CPLX1: variants seen among roughly 807,000 people sequenced by gnomAD.
CPLX1 encodes the protein complexin 1, also known as complexin-1.
In CPLX1, 6 loss-of-function variants were observed where a neutral mutation model predicts 15.6. That is an observed-to-expected ratio of 0.39 (90% CI 0.21 to 0.76). The LOEUF is 0.76. Ranked by LOEUF, CPLX1 falls within the 30% of genes least tolerant of loss-of-function variation. CPLX1 has a pLI of 0.43. For missense variants in CPLX1, 242 were observed against 188.6 expected (o/e 1.28, Z -1.66); for synonymous variants, 91 against 75.2 (o/e 1.21, Z -1.08).
At chr4:807,429 A>T (rs1350830052) in intron 2 of CPLX1, among the ~76,000 whole-genome samples, 1 of 152,044 alleles carries the variant, frequency 6.6e-6, no homozygotes, top group Non-Finnish European at 1.5e-5. Context: ...CACGTTTACT[A>T]CCTATGTAAC....
At chr4:810,688 T>TTTTTTC (rs960920662) in intron 2 of CPLX1, among the ~76,000 whole-genome samples, 1 of 152,074 alleles carries the variant, frequency 6.6e-6, no homozygotes, top group Non-Finnish European at 1.5e-5. Context: ...GCACATTTTC[T>TTTTTTC]TTTTTCTTTT....
intron 2 of CPLX1, among the ~76,000 whole-genome samples, chr4:793,803 CCTCTGGG>C (rs1012933956): frequency 1.3e-5 from 2 of 152,224 alleles, no homozygotes; most frequent in African/African-American, 4.8e-5. Context: ...GAAGGTCTTG[CCTCTGGG>C]CTCTGCCCCC....
chr4:822,603 G>A (rs983672521), intron 2 of CPLX1, among the ~76,000 whole-genome samples: 1 of 152,030 alleles, frequency 6.6e-6, no homozygotes, highest in Non-Finnish European at 1.5e-5. Context: ...CTTCCTGGGT[G>A]CCTCCTGCTC....
chr4:788,666 A>G, intron 3 of CPLX1: 2 of 865,770 alleles, frequency 2.3e-6, no homozygotes, highest in Non-Finnish European at 2.8e-6. Flanking sequence ...CAGCAGCTCC[A>G]GGCACGGAAG....
At chr4:807,970 G>A (rs574600723) in intron 2 of CPLX1, among the ~76,000 whole-genome samples, 45 of 152,270 alleles carry the variant, frequency 3.0e-4, no homozygotes, top group African/African-American at 1.0e-3. Context: ...AGCACAACCA[G>A]GAATAAAAAA....
At chr4:817,841 G>T (rs1309452812) in intron 2 of CPLX1, among the ~76,000 whole-genome samples, 1 of 152,092 alleles carries the variant, frequency 6.6e-6, no homozygotes, top group Non-Finnish European at 1.5e-5. Flanking sequence ...AGGGTGCATT[G>T]TTCCCACCAG....
At chr4:808,199 G>A (rs1746593172) in intron 2 of CPLX1, among the ~76,000 whole-genome samples, 1 of 152,146 alleles carries the variant, frequency 6.6e-6, no homozygotes, top group African/African-American at 2.4e-5. Flanking sequence ...AGTCTGGGAG[G>A]TGGAGGTTGC....
intron 2 of CPLX1, among the ~76,000 whole-genome samples, chr4:812,749 C>T (rs907798087): frequency 3.3e-5 from 5 of 151,918 alleles, no homozygotes; most frequent in Admixed American, 6.6e-5. Flanking sequence ...CCTAACGCTG[C>T]GTGTCCTAAC....
chr4:789,332 G>A (rs1217637957), intron 3 of CPLX1, among the ~76,000 whole-genome samples: 5 of 152,182 alleles, frequency 3.3e-5, no homozygotes, highest in South Asian at 2.1e-4. Flanking sequence ...TGCTGGGGGC[G>A]CCCAGGAGGC....
At chr4:794,695 C>T (rs1746281842) in intron 2 of CPLX1, among the ~76,000 whole-genome samples, 1 of 152,218 alleles carries the variant, frequency 6.6e-6, no homozygotes, top group Admixed American at 6.5e-5. Flanking sequence ...AAGTGAGTGA[C>T]CCGTGGCTCT....
At chr4:808,782 T>A (rs1746603886) in intron 2 of CPLX1, among the ~76,000 whole-genome samples, 1 of 152,210 alleles carries the variant, frequency 6.6e-6, no homozygotes. Context: ...AAAACTTGAA[T>A]GAAATGGATT....
chr4:822,282 CCTTT>C lies in CPLX1; in HGVS notation c.31+2206_31+2209del, dbSNP rs1028625105. 3.7e-4 allele frequency among the ~76,000 whole-genome samples: 48 copies of C among 128,478 alleles called. No individual in the cohort carries two copies. The South Asian group carries it at 0.01, about 28-fold the overall frequency. 84.3% of individuals were successfully genotyped at this position (128,478 alleles called of 152,430 possible). On this transcript the variant is annotated intron_variant, in intron 2 of 3. Coordinates refer to ENST00000304062, the MANE Select transcript of CPLX1 (RefSeq NM_006651.4). ...TCCCTCTGCCTCTCTCTGCCCTCTT[CCTTT>C]GTCTGTCTGTCTCTCTGTATCCCTC...
intron 2 of CPLX1, among the ~76,000 whole-genome samples, chr4:817,014 C>G (rs1362853182): frequency 6.6e-6 from 1 of 151,966 alleles, no homozygotes; most frequent in Non-Finnish European, 1.5e-5. Flanking sequence ...AAAATGTGGT[C>G]CCTACATTAA....
At chr4:814,897 C>T (rs1746722706) in intron 2 of CPLX1, among the ~76,000 whole-genome samples, 1 of 152,262 alleles carries the variant, frequency 6.6e-6, no homozygotes, top group Non-Finnish European at 1.5e-5. Flanking sequence ...CCATGAAAGG[C>T]ACCAGGTCTA....
intron 2 of CPLX1, among the ~76,000 whole-genome samples, chr4:810,086 G>A (rs901308213): frequency 1.7e-4 from 23 of 134,760 alleles, no homozygotes; most frequent in Admixed American, 1.1e-3. Flanking sequence ...GTCTCGCTTC[G>A]TTGCCCAGGC....
chr4:810,212 G>A (rs576634629), intron 2 of CPLX1, among the ~76,000 whole-genome samples: 1 of 152,114 alleles, frequency 6.6e-6, no homozygotes, highest in Non-Finnish European at 1.5e-5. Context: ...ACCACGCCCG[G>A]CTAATTTTTT....
intron 3 of CPLX1, among the ~76,000 whole-genome samples, chr4:790,645 A>G (rs1040870144): frequency 9.2e-5 from 14 of 152,110 alleles, no homozygotes; most frequent in Non-Finnish European, 2.1e-4. Context: ...CTCTAGGATC[A>G]TGCCAGCAGA....
intron 2 of CPLX1, among the ~76,000 whole-genome samples, chr4:798,262 G>A (rs1306379448): frequency 8.3e-6 from 1 of 120,776 alleles, no homozygotes; most frequent in Non-Finnish European, 1.6e-5. Flanking sequence ...GTGACAGTGA[G>A]ACTCCGTCTC....
intron 2 of CPLX1, among the ~76,000 whole-genome samples, chr4:795,236 T>A (rs1746296964): frequency 1.3e-5 from 2 of 152,262 alleles, no homozygotes; most frequent in Non-Finnish European, 2.9e-5. Flanking sequence ...GGAAGCTTGT[T>A]CCTGGCACAG....
Sources: allele counts gnomAD v4.1 joint callset (sites outside exome capture counted in the v4.1 genomes callset), GRCh38; gene constraint gnomAD v4.1.1; transcripts MANE v1.5; gene names NCBI Gene and HGNC (gene_info 2026-07-23, HGNC 2026-07-21).